The following EEF2K variants were observed in gnomAD, a reference collection of about 807,000 sequenced individuals.
The protein encoded by EEF2K is eukaryotic elongation factor 2 kinase.
In EEF2K, 70 loss-of-function variants were observed where a neutral mutation model predicts 93.8. The ratio of observed to expected loss-of-function variants is 0.75; its 90% CI spans 0.62 to 0.91. The LOEUF is 0.91. Among genes scored for constraint, EEF2K ranks in the 40% least tolerant of loss-of-function variants. The pLI is 0.00. For missense variants in EEF2K, 935 were observed against 972.9 expected (o/e 0.96, Z 0.52); for synonymous variants, 376 against 380.8 (o/e 0.99, Z 0.15).
intron 15 of EEF2K, among the ~76,000 whole-genome samples, chr16:22,267,611 T>TG (rs1310516012): frequency 1.4e-5 from 2 of 147,716 alleles, no homozygotes; most frequent in Admixed American, 6.7e-5. Context: ...AAAAAAAAAT[T>TG]GGGGGGGATA....
At chr16:22,250,538 A>C in intron 4 of EEF2K, 116 bp from the exon 5 acceptor site, 1 of 1,250,982 alleles carries the variant, frequency 8.0e-7, no homozygotes, top group Non-Finnish European at 1.1e-6. Flanking sequence ...TTCAGGATTG[A>C]GATGAGGCCC....
intron 2 of EEF2K, among the ~76,000 whole-genome samples, chr16:22,231,058 G>A (rs891277904): frequency 7.2e-5 from 11 of 151,892 alleles, no homozygotes; most frequent in Admixed American, 2.6e-4. Flanking sequence ...ATGTAGTTAA[G>A]TTAAAAAGCA....
At chr16:22,264,910 G>T in intron 13 of EEF2K, 30 bp downstream of exon 13, 1 of 1,613,124 alleles carries the variant, frequency 6.2e-7, no homozygotes. Context: ...CCTTGTCTCT[G>T]CCTCTTCCCT....
rs1480834421 is a variant in EEF2K at position 22,225,960 on chromosome 16, C to T, written c.231C>T (p.Asn77=). The T allele has an allele frequency of 3.7e-6, 6 of 1,614,064 alleles. No homozygotes were observed. The highest frequency in any genetic ancestry group is 5.1e-6 in the Non-Finnish European group (6 of 1,179,938). The change falls in exon 2 of 18, where the codon AAC becomes AAT. Residue 77 remains asparagine, a synonymous_variant. Transcript: ENST00000263026. ...ERYSSSGSPA[N]SFHFKEAWKH... is the part of the protein sequence containing the mutation. ...ATAGCTCCAGCGGGTCCCCGGCAAA[C>T]TCCTTCCACTTCAAGGTGAGTGAGC...
chr16:22,249,686 C>A (rs1211787926), intron 4 of EEF2K, among the ~76,000 whole-genome samples: 2 of 151,992 alleles, frequency 1.3e-5, no homozygotes, highest in Non-Finnish European at 2.9e-5. Flanking sequence ...TGCCTTACTG[C>A]AGCCCTGAAC....
At chr16:22,258,431 G>A in intron 9 of EEF2K, 63 bp from the exon 10 acceptor site, 3 of 1,561,556 alleles carry the variant, frequency 1.9e-6, no homozygotes, top group Non-Finnish European at 2.6e-6. Context: ...GGAACAACAG[G>A]AAGAGCCCTT....
Position 22,284,260 on chromosome 16 carries a change from T to C in EEF2K, c.*264T>C, listed in dbSNP as rs1240146892. The C allele has an allele frequency of 7.3e-6, 3 of 413,456 alleles. No individual in the cohort carries two copies. Among genetic ancestry groups the C allele is most frequent in the African/African-American group, 4.0e-5 (2 of 49,914 alleles). The allele number at this position is 413,456 out of a possible 1,614,324, so 25.6% of individuals were successfully genotyped here. A position where few individuals can be genotyped will look rare whatever the true frequency, so the allele number is the denominator to read the frequency against. On this transcript the variant is annotated 3_prime_UTR_variant, in exon 18 of 18. Coordinates refer to ENST00000263026, the MANE Select transcript of EEF2K (RefSeq NM_013302.5). ...CAGCCTAATGAACCAACATACCGTT[T>C]TGTGTGTGGTTTTTTTTGTTTGTTT... is the stretch of plus-strand genomic sequence containing the variant.
At chr16:22,246,815 G>A (rs1453483085) in intron 3 of EEF2K, among the ~76,000 whole-genome samples, 2 of 151,704 alleles carry the variant, frequency 1.3e-5, no homozygotes, top group Non-Finnish European at 2.9e-5. Flanking sequence ...TGAGGCAGGC[G>A]GATCATGAGA....
In EEF2K at chr16:22,284,828, G is replaced by C. The variant is rs907745327; in HGVS notation, c.*832G>C. Reference sequence around the variant, plus strand: ...GCTTAGTGCAAAGCATTCTTTCTCAGAGCATTTAGAGGCATGCGTGGCATT... The same window carrying C: ...GCTTAGTGCAAAGCATTCTTTCTCACAGCATTTAGAGGCATGCGTGGCATT... On this transcript the variant is annotated 3_prime_UTR_variant, in exon 18 of 18. Transcript: ENST00000263026. 1 of 152,230 alleles carries C rather than the reference G, an allele frequency of 6.6e-6. No homozygotes were observed. Among genetic ancestry groups the C allele is most frequent in the African/African-American group, 2.4e-5 (1 of 41,414 alleles). The allele number at this position is 152,230 out of a possible 1,614,324, so 9.4% of individuals were successfully genotyped here. A position where few individuals can be genotyped will look rare whatever the true frequency, so the allele number is the denominator to read the frequency against.
intron 9 of EEF2K, 103 bp downstream of exon 9, chr16:22,257,873 A>G: frequency 6.7e-7 from 1 of 1,501,180 alleles, no homozygotes; most frequent in Non-Finnish European, 9.0e-7. Context: ...AGCAGTGCTT[A>G]ACTGATGAAT....
At position 22,251,346 on chromosome 16, in the gene EEF2K, C is replaced by T. The variant is rs1224018653; in HGVS notation, c.618+24C>T. On this transcript the variant is annotated intron_variant, in intron 6 of 17. Coordinates refer to ENST00000263026, the MANE Select transcript of EEF2K (RefSeq NM_013302.5). Reference sequence around the variant, plus strand: ...AGGTGCGTGGCCCCACTACCTGCCCCCTTTCCATGCCAGGGCAGCTGGGCA... The same window carrying T: ...AGGTGCGTGGCCCCACTACCTGCCCTCTTTCCATGCCAGGGCAGCTGGGCA... 2.5e-6 allele frequency: 4 copies of T among 1,612,036 alleles called. No homozygotes were observed. The African/African-American group carries it at 4.0e-5, about 16-fold the overall frequency.
Position 22,280,227 on chromosome 16 carries a change from G to A in EEF2K, c.1919G>A (p.Trp640Ter), listed in dbSNP as rs1484538546. The A allele has an allele frequency of 6.3e-7, 1 of 1,577,630 alleles. No homozygotes were observed. Among genetic ancestry groups the A allele is most frequent in the Non-Finnish European group, 8.6e-7 (1 of 1,162,532 alleles). ...RCQDWLEALH[W>*]YNTALEMTDC... ...CAAGACTGGCTAGAGGCCCTGCACT[G>A]GTACAACACTGCCCTGGAGATGACG... The change falls in exon 17 of 18, where the codon TGG (tryptophan) becomes TAG (stop). Residue 640 changes from tryptophan to a stop codon, truncating the protein, a stop_gained. Coordinates refer to ENST00000263026, the MANE Select transcript of EEF2K (RefSeq NM_013302.5). LOFTEE classifies it high-confidence loss of function.
chr16:22,279,282 G>C (rs1035967796), intron 16 of EEF2K, among the ~76,000 whole-genome samples: 2 of 149,898 alleles, frequency 1.3e-5, no homozygotes, highest in African/African-American at 4.9e-5. Flanking sequence ...CTATTGCCCA[G>C]GCTGGAGTGC....
intron 1 of EEF2K, among the ~76,000 whole-genome samples, chr16:22,210,322 G>T (rs1448624083): frequency 2.0e-5 from 3 of 152,150 alleles, no homozygotes; most frequent in Non-Finnish European, 4.4e-5. Context: ...GGAAGTAGGT[G>T]GCTAAACTGC....
chr16:22,215,548 TA>T (rs1433881794), intron 1 of EEF2K, among the ~76,000 whole-genome samples: 1 of 152,216 alleles, frequency 6.6e-6, no homozygotes, highest in Non-Finnish European at 1.5e-5. Context: ...CATTATATGC[TA>T]GGGGTGCAGA....
chr16:22,271,480 G>A (rs1402714674), intron 15 of EEF2K, among the ~76,000 whole-genome samples: 1 of 152,028 alleles, frequency 6.6e-6, no homozygotes, highest in African/African-American at 2.4e-5. Flanking sequence ...CTTGAGTCCA[G>A]GAGTTTCAGA....
chr16:22,236,406 C>G (rs2047168204), intron 2 of EEF2K, among the ~76,000 whole-genome samples: 1 of 150,656 alleles, frequency 6.6e-6, no homozygotes, highest in Non-Finnish European at 1.5e-5. Context: ...TCCTGAGTAG[C>G]TATTACTACA....
intron 12 of EEF2K, among the ~76,000 whole-genome samples, chr16:22,264,073 C>G (rs1203889980): frequency 6.6e-6 from 1 of 151,986 alleles, no homozygotes; most frequent in Non-Finnish European, 1.5e-5. Flanking sequence ...GCAGGCAGAT[C>G]ACTTGAGGCC....
chr16:22,249,273 A>G (rs1022779179), intron 4 of EEF2K, among the ~76,000 whole-genome samples: 7 of 151,640 alleles, frequency 4.6e-5, no homozygotes, highest in Non-Finnish European at 5.9e-5. Context: ...ACCCGTCTCT[A>G]CTAAAAATAC....
Sources: gnomAD v4.1 joint callset for allele counts (sites outside exome capture counted in the v4.1 genomes callset) on GRCh38, gnomAD v4.1.1 for gene constraint, MANE v1.5 for transcripts, NCBI Gene and HGNC (gene_info 2026-07-23, HGNC 2026-07-21) for gene names.